Variants in COLEC12 observed in about 807,000 individuals in gnomAD.
The protein encoded by COLEC12 is collectin subfamily member 12, also known as collectin-12.
COLEC12 carries 33 observed loss-of-function variants against 71.1 expected under a neutral mutation model. That is an observed-to-expected ratio of 0.46 (90% CI 0.35 to 0.62). The LOEUF (loss-of-function observed/expected upper bound fraction) is 0.62. COLEC12 is among the 20% of genes least tolerant of loss of function. The pLI is 0.00. For missense variants in COLEC12, 765 were observed against 916.1 expected, an observed-to-expected ratio of 0.84 and a Z score of 2.13; for synonymous variants, 350 against 353.0, an observed-to-expected ratio of 0.99 and a Z score of 0.10.
intron 1 of COLEC12, among the ~76,000 whole-genome samples, chr18:494,820 A>G (rs1416304754): frequency 6.6e-6 from 1 of 152,192 alleles, no homozygotes; most frequent in Non-Finnish European, 1.5e-5. Context: ...CCAAATGTAA[A>G]ACATCCAACG....
intron 8 of COLEC12, among the ~76,000 whole-genome samples, chr18:326,738 A>C (rs367657463): frequency 6.6e-6 from 1 of 152,228 alleles, no homozygotes. Context: ...CATGCACCTG[A>C]AAAGAATATG....
intron 2 of COLEC12, among the ~76,000 whole-genome samples, chr18:421,919 TC>T (rs1916105835): frequency 6.6e-6 from 1 of 152,212 alleles, no homozygotes; most frequent in Admixed American, 6.5e-5. Flanking sequence ...ATCATATTAA[TC>T]TTTGGATACC....
At chr18:324,219 T>C (rs1913782141) in intron 8 of COLEC12, among the ~76,000 whole-genome samples, 2 of 152,274 alleles carry the variant, frequency 1.3e-5, no homozygotes, top group Admixed American at 1.3e-4. Flanking sequence ...TGCATGTTTA[T>C]AATAATATAG....
chr18:484,457 T>G (rs1339623861), intron 1 of COLEC12, among the ~76,000 whole-genome samples: 2 of 152,170 alleles, frequency 1.3e-5, no homozygotes, highest in African/African-American at 2.4e-5. Context: ...AGTCTCTATC[T>G]CATCCAACTC....
At chr18:494,353 C>G (rs902940836) in intron 1 of COLEC12, among the ~76,000 whole-genome samples, 1 of 152,200 alleles carries the variant, frequency 6.6e-6, no homozygotes, top group Non-Finnish European at 1.5e-5. Context: ...TGGGAGGAAG[C>G]AGCAGGTTAT....
Position 357,415 on chromosome 18 carries a change from T to C in COLEC12, c.166A>G (p.Ile56Val), listed in dbSNP as rs1219638708. The C allele has an allele frequency of 2.5e-6, 4 of 1,599,240 alleles. No individual in the cohort carries two copies. In the Admixed American group the frequency reaches 5.3e-5, roughly 21 times the overall value. Reference sequence around the variant, plus strand: ...GCATGCTTACCTTTATATCCCAAAATGGCTACTGTGATTGTTAGCAAGGCA... The same window carrying C: ...GCATGCTTACCTTTATATCCCAAAACGGCTACTGTGATTGTTAGCAAGGCA... ...LCALLTITVA[I>V]LGYKVVEKMD... Residue 56 changes from isoleucine to valine, a missense_variant, in exon 3 of 10, where the codon ATT (isoleucine) becomes GTT (valine). Coordinates refer to ENST00000400256, the MANE Select transcript of COLEC12 (RefSeq NM_130386.3).
At chr18:344,671 A>G (rs1158316630) in intron 5 of COLEC12, among the ~76,000 whole-genome samples, 1 of 152,240 alleles carries the variant, frequency 6.6e-6, no homozygotes, top group East Asian at 1.9e-4. Context: ...CACTGCTTCC[A>G]GTCAACTAAA....
intron 2 of COLEC12, among the ~76,000 whole-genome samples, chr18:464,928 C>T (rs1354942421): frequency 6.6e-6 from 1 of 152,210 alleles, no homozygotes; most frequent in Admixed American, 6.5e-5. Context: ...GGGTGACACA[C>T]TCTTGGGCTC....
chr18:471,640 A>G (rs955211894), intron 2 of COLEC12, among the ~76,000 whole-genome samples: 5 of 151,072 alleles, frequency 3.3e-5, no homozygotes, highest in Non-Finnish European at 7.4e-5. Flanking sequence ...AAATAATAGT[A>G]TATCAGATTA....
At chr18:322,872 G>A (rs934458350) in intron 8 of COLEC12, among the ~76,000 whole-genome samples, 1 of 152,152 alleles carries the variant, frequency 6.6e-6, no homozygotes, top group Non-Finnish European at 1.5e-5. Flanking sequence ...TAGTCAAAGG[G>A]TGGGGACAGG....
At position 335,173 on chromosome 18, in the gene COLEC12, G is replaced by A; in HGVS notation, c.1385C>T (p.Pro462Leu). 6.2e-7 allele frequency: 1 copy of A among 1,612,002 alleles called. No individual in the cohort carries two copies. Among genetic ancestry groups the A allele is most frequent in the South Asian group, 1.1e-5 (1 of 90,928 alleles). The part of the protein sequence containing the change: ...GDRGSQGPPG[P>L]TGNKGQKGEK... ...TCCTTTCTGTCCCTTGTTGCCAGTT[G>A]GGCCAGGGGGTCCCTGGGATCCTCT... Residue 462 changes from proline to leucine, a missense_variant, in exon 6 of 10, where the codon CCA (proline) becomes CTA (leucine). By Grantham distance (98) the Pro-to-Leu change is moderately conservative (BLOSUM62 -3). Coordinates refer to ENST00000400256, the MANE Select transcript of COLEC12 (RefSeq NM_130386.3).
At chr18:461,125 C>T (rs1916975195) in intron 2 of COLEC12, among the ~76,000 whole-genome samples, 1 of 152,086 alleles carries the variant, frequency 6.6e-6, no homozygotes, top group Non-Finnish European at 1.5e-5. Context: ...GATGTTTAGA[C>T]TGATTAATTT....
chr18:420,088 G>A (rs1276823879), intron 2 of COLEC12, among the ~76,000 whole-genome samples: 3 of 152,166 alleles, frequency 2.0e-5, no homozygotes, highest in African/African-American at 7.2e-5. Flanking sequence ...CATGCCGGCT[G>A]AGACCCTGGA....
At chr18:453,313 G>C (rs1916798999) in intron 2 of COLEC12, among the ~76,000 whole-genome samples, 1 of 152,154 alleles carries the variant, frequency 6.6e-6, no homozygotes, top group Non-Finnish European at 1.5e-5. Context: ...AATTAATCAA[G>C]AAAGAAATGA....
chr18:354,547 G>A (rs148550280), intron 3 of COLEC12, among the ~76,000 whole-genome samples: 17 of 152,068 alleles, frequency 1.1e-4, no homozygotes, highest in African/African-American at 3.4e-4. Context: ...CTTTTGTAAC[G>A]GAGAGAGTTT....
rs1916989708 is a variant in COLEC12, at chr18:461,853, A to G, written c.58+18854T>C. Among the ~76,000 whole-genome samples the G allele has an allele frequency of 2.0e-5, 3 of 152,200 alleles. No homozygotes were observed. The South Asian group carries it at 6.2e-4, about 32-fold the overall frequency. ...AGGTACAGCACTGCCCTGTACTCATATAACAGGAACTTAGGGAAGGTGGAA... is the reference window on the plus strand; with the variant it reads ...AGGTACAGCACTGCCCTGTACTCATGTAACAGGAACTTAGGGAAGGTGGAA... On this transcript the variant is annotated intron_variant, in intron 2 of 9. Transcript: ENST00000400256.
intron 2 of COLEC12, among the ~76,000 whole-genome samples, chr18:457,779 T>C (rs975138457): frequency 6.6e-6 from 1 of 152,070 alleles, no homozygotes; most frequent in Non-Finnish European, 1.5e-5. Flanking sequence ...CCAAGCGGAG[T>C]AGAATGAAAA....
chr18:324,972 C>A (rs572444378), intron 8 of COLEC12, among the ~76,000 whole-genome samples: 17 of 152,072 alleles, frequency 1.1e-4, no homozygotes, highest in African/African-American at 3.4e-4. Context: ...GAGGATCACT[C>A]GAGGCCAGGA....
At chr18:454,968 T>C (rs887464565) in intron 2 of COLEC12, among the ~76,000 whole-genome samples, 1 of 152,226 alleles carries the variant, frequency 6.6e-6, no homozygotes, top group African/African-American at 2.4e-5. Context: ...TTGAGTTTTA[T>C]TTTCAATGAA....
Sources: gnomAD v4.1 joint callset for allele counts (sites outside exome capture counted in the v4.1 genomes callset) on GRCh38, gnomAD v4.1.1 for gene constraint, MANE v1.5 for transcripts, NCBI Gene and HGNC (gene_info 2026-07-23, HGNC 2026-07-21) for gene names.